The following TASP1 variants were observed in gnomAD, a reference collection of about 807,000 sequenced individuals.
The protein encoded by TASP1 is taspase 1, also known as threonine aspartase 1.
TASP1 carries 16 observed loss-of-function variants against 56.6 expected under a neutral mutation model. That is an observed-to-expected ratio of 0.28 (90% CI 0.19 to 0.43). TASP1 has a LOEUF of 0.43. Among genes scored for constraint, TASP1 ranks in the 20% least tolerant of loss-of-function variants. The pLI is 1.00. For synonymous variants in TASP1, 179 were observed against 184.2 expected (o/e 0.97, Z 0.23); for missense variants, 393 against 511.6 (o/e 0.77, Z 2.24).
At chr20:13,476,024 G>C (rs1167172141) in intron 11 of TASP1, among the ~76,000 whole-genome samples, 7 of 145,122 alleles carry the variant, frequency 4.8e-5, no homozygotes, top group African/African-American at 5.1e-5. Context: ...GAGGCTGAGG[G>C]AGGAGAATCA....
At chr20:13,231,677 A>G in the TASP1 span, among the ~76,000 whole-genome samples, 1 of 152,146 alleles carries the variant, frequency 6.6e-6, no homozygotes, top group African/African-American at 2.4e-5. Context: ...AAACCCAATC[A>G]TCTTGCACAG....
chr20:13,214,558 CACACAGAG>C, the TASP1 span, among the ~76,000 whole-genome samples: 7 of 114,804 alleles, frequency 6.1e-5, no homozygotes, highest in South Asian at 2.8e-4. Context: ...CACACACACA[CACACAGAG>C]AGAGAGAGAG....
chr20:13,167,606 T>A, the TASP1 span: 1 of 152,220 alleles, frequency 6.6e-6, no homozygotes, highest in Non-Finnish European at 1.5e-5. Context: ...GTAAGGAGGC[T>A]ATCTCTGTAT....
the TASP1 span, among the ~76,000 whole-genome samples, chr20:13,228,541 T>A: frequency 6.6e-6 from 1 of 152,130 alleles, no homozygotes; most frequent in Non-Finnish European, 1.5e-5. Flanking sequence ...TCTTTGTAGG[T>A]GATTTTTTTA....
chr20:13,209,474 A>G, the TASP1 span, among the ~76,000 whole-genome samples: 1 of 152,208 alleles, frequency 6.6e-6, no homozygotes, highest in Non-Finnish European at 1.5e-5. Flanking sequence ...CAAATTAAAG[A>G]ATTCTTTTAT....
the TASP1 span, among the ~76,000 whole-genome samples, chr20:13,127,352 G>A: frequency 6.6e-6 from 1 of 152,270 alleles, no homozygotes; most frequent in South Asian, 2.1e-4. Context: ...CACACCAGAG[G>A]GGATACGGTG....
chr20:13,303,047 T>A, the TASP1 span, among the ~76,000 whole-genome samples: 1 of 152,206 alleles, frequency 6.6e-6, no homozygotes, highest in Non-Finnish European at 1.5e-5. Flanking sequence ...TCTGTGTTAA[T>A]CATTTTACCA....
At chr20:13,545,668 A>G (rs1381939786) in intron 8 of TASP1, among the ~76,000 whole-genome samples, 1 of 152,074 alleles carries the variant, frequency 6.6e-6, no homozygotes, top group Admixed American at 6.6e-5. Flanking sequence ...ATATCTTACA[A>G]TGGAACACAC....
intron 4 of TASP1, among the ~76,000 whole-genome samples, chr20:13,622,509 AG>A (rs2048751011): frequency 6.6e-6 from 1 of 152,224 alleles, no homozygotes; most frequent in South Asian, 2.1e-4. Context: ...GAGAATATAC[AG>A]AAAGCTCAGG....
intron 8 of TASP1, among the ~76,000 whole-genome samples, chr20:13,538,635 A>T (rs1311478098): frequency 6.6e-6 from 1 of 152,196 alleles, no homozygotes; most frequent in Non-Finnish European, 1.5e-5. Flanking sequence ...CTAAACACAG[A>T]GAGATGGCTC....
Position 13,547,136 on chromosome 20 carries a change from A to T in TASP1, c.675+11872T>A, listed in dbSNP as rs528699620. ...AGGCACTATTTCTAGAGACTGTGAT[A>T]AGGATAAAGTAACAAAATGCTCACG... is the stretch of plus-strand genomic sequence containing the variant. On this transcript the variant is annotated intron_variant, in intron 8 of 13. Transcript: ENST00000337743. 2.0e-5 allele frequency among the ~76,000 whole-genome samples: 3 copies of T among 152,336 alleles called. No individual in the cohort carries two copies. In the East Asian group the frequency reaches 5.8e-4, roughly 29 times the overall value.
chr20:13,421,455 T>C (rs1210894599), intron 12 of TASP1, among the ~76,000 whole-genome samples: 2 of 152,084 alleles, frequency 1.3e-5, no homozygotes, highest in African/African-American at 4.8e-5. Context: ...ATATTTGCAA[T>C]TCATAGCATA....
chr20:13,594,592 T>G (rs377170981), intron 4 of TASP1, among the ~76,000 whole-genome samples: 1 of 152,090 alleles, frequency 6.6e-6, no homozygotes, highest in African/African-American at 2.4e-5. Context: ...CAATCTTCAA[T>G]AGCTGATTCA....
chr20:13,378,132 C>A, the TASP1 span, among the ~76,000 whole-genome samples: 14 of 152,068 alleles, frequency 9.2e-5, no homozygotes, highest in African/African-American at 3.1e-4. Flanking sequence ...AATTTGTTTG[C>A]TGTTGCTTCT....
At chr20:13,321,464 C>T in the TASP1 span, among the ~76,000 whole-genome samples, 1 of 152,052 alleles carries the variant, frequency 6.6e-6, no homozygotes, top group African/African-American at 2.4e-5. Context: ...AGGGGAGAAA[C>T]GCTCTAGGAC....
chr20:13,536,539 A>G (rs2045426008), intron 8 of TASP1, among the ~76,000 whole-genome samples: 1 of 152,326 alleles, frequency 6.6e-6, no homozygotes, highest in South Asian at 2.1e-4. Flanking sequence ...TTCCTCAACA[A>G]TAACAACAGA....
intron 13 of TASP1, chr20:13,392,575 T>G: frequency 3.0e-6 from 1 of 338,728 alleles, no homozygotes; most frequent in Non-Finnish European, 5.8e-6. Flanking sequence ...AAATAGACCA[T>G]TCTAGGGCTA....
At position 13,561,167 on chromosome 20, in the gene TASP1, T is replaced by C. The variant is rs1299399305; in HGVS notation, c.569-2053A>G. On this transcript the variant is annotated intron_variant, in intron 7 of 13. Transcript: ENST00000337743. The stretch of plus-strand genomic sequence containing the variant: ...ACTCTCAGGTAAACAAAAACTGAGA[T>C]AGTTCATTTTTACTGGACCTACCCT... Among the ~76,000 whole-genome samples the C allele has an allele frequency of 2.0e-5, 3 of 152,280 alleles. No homozygotes were observed. In the South Asian group the frequency reaches 6.2e-4, roughly 32 times the overall value.
At chr20:13,299,038 C>T in the TASP1 span, 1 of 1,613,784 alleles carries the variant, frequency 6.2e-7, no homozygotes, top group Non-Finnish European at 8.5e-7. The surrounding 1 kb of genome is among the most constrained non-coding windows in gnomAD (Gnocchi z 5.8). Context: ...TGCCCCTGCT[C>T]CTACCCCACT....
Sources: allele counts gnomAD v4.1 joint callset (sites outside exome capture counted in the v4.1 genomes callset), GRCh38; gene constraint gnomAD v4.1.1; non-coding constraint Gnocchi (gnomAD v3.1); transcripts MANE v1.5; gene names NCBI Gene and HGNC (gene_info 2026-07-23, HGNC 2026-07-21).